The following ADNP variants were observed in gnomAD, a reference collection of about 807,000 sequenced individuals.
ADNP encodes activity-dependent neuroprotector homeobox protein.
Under a neutral mutation model 84.9 loss-of-function variants are expected in ADNP, and 4 were observed. The ratio of observed to expected loss-of-function variants is 0.05; its 90% CI spans 0.02 to 0.11. ADNP has a LOEUF of 0.11. ADNP is among the 10% of genes least tolerant of loss of function. The probability of loss-of-function intolerance (pLI) is 1.00; values close to 1 mark genes in which losing one functional copy is unlikely to be tolerated. For missense variants in ADNP, 1,132 were observed against 1,326.0 expected (o/e 0.85, Z 2.27); for synonymous variants, 554 against 468.1 (o/e 1.18, Z -2.37).
chr20:50,890,026 A>G lies in ADNP; in HGVS notation c.*1379T>C, dbSNP rs1042225224. On this transcript the variant is annotated 3_prime_UTR_variant, in exon 6 of 6. Coordinates refer to ENST00000621696, the MANE Select transcript of ADNP (RefSeq NM_001282531.3). ...TCTGCTTGCAAATTAATGCCAATCC[A>G]TGTTTACATTTTTTTTTTTATCATT... 2.9e-6 allele frequency: 1 copy of G among 345,618 alleles called. No homozygotes were observed. The highest frequency in any genetic ancestry group is 3.5e-5 in the African/African-American group (1 of 28,618). The allele number at this position is 345,618 out of a possible 1,614,324, so 21.4% of individuals were successfully genotyped here.
rs1295664275 is a variant in ADNP, at chr20:50,931,253, G to A, written c.-692C>T. On this transcript the variant is annotated 5_prime_UTR_variant, in exon 1 of 6. Transcript: ENST00000621696. Reference sequence around the variant, plus strand: ...GGGGGCACAAGATGGCGGCGGCCGGGGGGGGGGGGGCGGGAGTTCAGCTCA... The same window carrying A: ...GGGGGCACAAGATGGCGGCGGCCGGAGGGGGGGGGGCGGGAGTTCAGCTCA... 2 of 110,574 alleles carry A rather than the reference G, an allele frequency of 1.8e-5. No individual in the cohort carries two copies. The highest frequency in any genetic ancestry group is 8.2e-5 in the Admixed American group (1 of 12,250). The allele number at this position is 110,574 out of a possible 1,614,324, so 6.8% of individuals were successfully genotyped here. A position where few individuals can be genotyped will look rare whatever the true frequency, so the allele number is the denominator to read the frequency against.
intron 2 of ADNP, among the ~76,000 whole-genome samples, chr20:50,922,479 G>C (rs1459520304): frequency 6.6e-6 from 1 of 151,438 alleles, no homozygotes; most frequent in Non-Finnish European, 1.5e-5. Context: ...TACAGATAAA[G>C]AAATGCGTAA....
chr20:50,907,769 GTT>G (rs35227972), intron 2 of ADNP, among the ~76,000 whole-genome samples: 47 of 116,468 alleles, frequency 4.0e-4, no homozygotes, highest in Admixed American at 2.2e-3. Flanking sequence ...GTGTGTGTGT[GTT>G]TTTTTTTGTA....
At chr20:50,894,792 GGAGGGT>G (rs1196816817) in intron 5 of ADNP, among the ~76,000 whole-genome samples, 1 of 152,152 alleles carries the variant, frequency 6.6e-6, no homozygotes, top group African/African-American at 2.4e-5. Flanking sequence ...AGCTACTTCA[GGAGGGT>G]GAGGCAGGAG....
At chr20:50,910,290 C>A (rs1158861180) in intron 2 of ADNP, among the ~76,000 whole-genome samples, 1 of 152,160 alleles carries the variant, frequency 6.6e-6, no homozygotes, top group Non-Finnish European at 1.5e-5. Flanking sequence ...AGCTCAATGA[C>A]CTATTAATAA....
chr20:50,911,293 G>A (rs907234788), intron 2 of ADNP, among the ~76,000 whole-genome samples: 1 of 152,142 alleles, frequency 6.6e-6, no homozygotes, highest in African/African-American at 2.4e-5. Context: ...CTAGACCAAT[G>A]TCCATGAGAG....
chr20:50,925,608 A>C (rs1378571724), intron 2 of ADNP, among the ~76,000 whole-genome samples: 1 of 152,256 alleles, frequency 6.6e-6, no homozygotes, highest in Non-Finnish European at 1.5e-5. Flanking sequence ...TCAACAATCA[A>C]GGTGGAAAGT....
At chr20:50,923,568 A>G (rs1321532907) in intron 2 of ADNP, among the ~76,000 whole-genome samples, 9 of 152,022 alleles carry the variant, frequency 5.9e-5, no homozygotes, top group Admixed American at 5.9e-4. Flanking sequence ...CCCAGGCTAG[A>G]GTGCAGTGGT....
chr20:50,905,853 T>C (rs1287426614), intron 2 of ADNP, among the ~76,000 whole-genome samples: 2 of 152,244 alleles, frequency 1.3e-5, no homozygotes, highest in African/African-American at 4.8e-5. Context: ...TATTGCTAAA[T>C]TGTTTTAAAC....
At chr20:50,924,575 G>C (rs937666940) in intron 2 of ADNP, among the ~76,000 whole-genome samples, 1 of 152,164 alleles carries the variant, frequency 6.6e-6, no homozygotes, top group Non-Finnish European at 1.5e-5. Flanking sequence ...GTGAAACAAG[G>C]ATAGTCCTGA....
chr20:50,926,839 TCTA>T (rs762715507), intron 2 of ADNP, among the ~76,000 whole-genome samples: 2 of 152,336 alleles, frequency 1.3e-5, no homozygotes, highest in Non-Finnish European at 2.9e-5. Context: ...AGTATCAATC[TCTA>T]CTTTCTCCTT....
intron 2 of ADNP, among the ~76,000 whole-genome samples, chr20:50,907,356 T>A (rs1982584478): frequency 6.7e-6 from 1 of 148,174 alleles, no homozygotes; most frequent in Non-Finnish European, 1.5e-5. Context: ...AACCTCTGCC[T>A]CCCAGGCTCA....
In ADNP at chr20:50,892,288, T is replaced by C; in HGVS notation, c.2426A>G (p.Lys809Arg). ...CTTTTCACAATCACGGACACACTTC[T>C]TCCTTTTGTTACTAAAATGGGAAGC... ...DIASHFSNKR[K>R]KCVRDCEKYK... The change falls in exon 6 of 6, where the codon AAG (lysine) becomes AGG (arginine). Residue 809 changes from lysine (K) to arginine (R), a missense_variant. Physicochemically the swap from Lys to Arg is conservative, Grantham distance 26 (BLOSUM62 2). Transcript: ENST00000621696. The C allele has an allele frequency of 6.2e-7, 1 of 1,614,184 alleles. No homozygotes were observed. The highest frequency in any genetic ancestry group is 8.5e-7 in the Non-Finnish European group (1 of 1,180,032).
At position 50,899,867 on chromosome 20, in the gene ADNP, ATTTTTTT is replaced by A. The variant is rs142777741; in HGVS notation, c.201+2143_201+2149del. Reference sequence around the variant, plus strand: ...CAAAATATTTTTATACAGCTGTACAATTTTTTTTTTTTTTTTTTTTGGAGCGGTAGCA... The same window carrying A: ...CAAAATATTTTTATACAGCTGTACAATTTTTTTTTTTTTGGAGCGGTAGCA... On this transcript the variant is annotated intron_variant, in intron 5 of 5. Transcript: ENST00000621696. Among the ~76,000 whole-genome samples the A allele has an allele frequency of 8.8e-3, 1,160 of 131,276 alleles. 52 individuals are homozygous for A. Among genetic ancestry groups the A allele is most frequent in the Admixed American group, 0.072 (943 of 13,088 alleles). 86.1% of individuals were successfully genotyped at this position (131,276 alleles called of 152,430 possible).
At chr20:50,904,155 G>C in intron 3 of ADNP, 154 bp from the exon 4 acceptor site, 1 of 607,592 alleles carries the variant, frequency 1.6e-6, no homozygotes, top group South Asian at 2.0e-5. Context: ...ACACACACCT[G>C]CTTTCATGTG....
intron 2 of ADNP, 131 bp downstream of exon 2, chr20:50,928,520 C>T (rs1365294051): frequency 6.6e-6 from 1 of 152,220 alleles, no homozygotes; most frequent in Non-Finnish European, 1.5e-5. Context: ...GCAACCAGCT[C>T]TAACCGGTTC....
chr20:50,930,024 A>C (rs1012346605), intron 1 of ADNP, among the ~76,000 whole-genome samples: 3 of 152,112 alleles, frequency 2.0e-5, no homozygotes, highest in African/African-American at 7.2e-5. Context: ...CTTTTCCAGC[A>C]GACAGGGATC....
rs1296208102 is a variant in ADNP, at chr20:50,889,991, C to G, written c.*1414G>C. 1 of 396,920 alleles carries G rather than the reference C, an allele frequency of 2.5e-6. No individual in the cohort carries two copies. Among genetic ancestry groups the G allele is most frequent in the African/African-American group, 2.1e-5 (1 of 48,206 alleles). The allele number at this position is 396,920 out of a possible 1,614,324, so 24.6% of individuals were successfully genotyped here. ...AAAAACAAACAAAAAACCCATCAGGCTATTAAGATTCTGCTTGCAAATTAA... is the reference window on the plus strand; with the variant it reads ...AAAAACAAACAAAAAACCCATCAGGGTATTAAGATTCTGCTTGCAAATTAA... On this transcript the variant is annotated 3_prime_UTR_variant, in exon 6 of 6. Transcript: ENST00000621696.
chr20:50,914,976 AT>A (rs34708353), intron 2 of ADNP, among the ~76,000 whole-genome samples: 14,236 of 149,310 alleles, frequency 0.095, 1,818 homozygotes, highest in African/African-American at 0.29. Flanking sequence ...GTACACGTGT[AT>A]TTTTTTTTTG....
Sources: allele counts gnomAD v4.1 joint callset (sites outside exome capture counted in the v4.1 genomes callset), GRCh38; gene constraint gnomAD v4.1.1; transcripts MANE v1.5; gene names NCBI Gene and HGNC (gene_info 2026-07-23, HGNC 2026-07-21).